BBS7: variants seen among roughly 807,000 people sequenced by gnomAD.
The protein encoded by BBS7 is BBSome complex member BBS7.
A neutral mutation model predicts 90.3 loss-of-function variants in BBS7; 50 were observed. That is an observed-to-expected ratio of 0.55 (90% CI 0.44 to 0.70). BBS7 has a LOEUF of 0.70. BBS7 is among the 30% of genes least tolerant of loss of function. The pLI, the probability that BBS7 is intolerant of heterozygous loss-of-function variation, is 0.00. For synonymous variants in BBS7, 235 were observed against 287.4 expected, an observed-to-expected ratio of 0.82 and a Z score of 1.85; for missense variants, 729 against 838.9, an observed-to-expected ratio of 0.87 and a Z score of 1.62.
At chr4:121,849,870 T>C (rs1726225430) in intron 8 of BBS7, among the ~76,000 whole-genome samples, 2 of 151,972 alleles carry the variant, frequency 1.3e-5, no homozygotes, top group Admixed American at 1.3e-4. Flanking sequence ...AAAAGCAAAA[T>C]ACCCCGTTAA....
chr4:121,859,080 A>C lies in BBS7; in HGVS notation c.440T>G (p.Ile147Ser). ...DQHYYLSGDK[I>S]NDVICLPVER... The stretch of plus-strand genomic sequence containing the variant: ...CACTGGAAGGCAGATCACATCATTG[A>C]TTTTATCCCCAGAAAGGTAATAATG... The change falls in exon 5 of 19, where the codon ATC (isoleucine) becomes AGC (serine). Residue 147 changes from isoleucine to serine, a missense_variant. Transcript: ENST00000264499. 1 of 1,613,854 alleles carries C rather than the reference A, an allele frequency of 6.2e-7. No homozygotes were observed. The highest frequency in any genetic ancestry group is 8.5e-7 in the Non-Finnish European group (1 of 1,179,816).
intron 1 of BBS7, 85 bp from the exon 2 acceptor site, chr4:121,868,131 A>G: frequency 9.5e-7 from 1 of 1,053,346 alleles, no homozygotes; most frequent in South Asian, 1.3e-5. Flanking sequence ...CTTTTTGTTA[A>G]ACTGAAATTA....
chr4:121,855,914 A>ATATACATATATGTACATACATG (rs1726638067), intron 5 of BBS7, among the ~76,000 whole-genome samples: 1 of 130,050 alleles, frequency 7.7e-6, no homozygotes, highest in Non-Finnish European at 1.5e-5. Context: ...ATATATGTAT[A>ATATACATATATGTACATACATG]TATGTGTACA....
chr4:121,838,997 T>C (rs1376815477), intron 13 of BBS7, among the ~76,000 whole-genome samples: 1 of 152,012 alleles, frequency 6.6e-6, no homozygotes, highest in East Asian at 1.9e-4. Context: ...TAAAAAATTA[T>C]TGTTGATTTT....
chr4:121,870,327 A>T lies in BBS7; in HGVS notation c.-14T>A, dbSNP rs1380943478. On this transcript the variant is annotated 5_prime_UTR_variant, in exon 1 of 19. Coordinates refer to ENST00000264499, the MANE Select transcript of BBS7 (RefSeq NM_176824.3). ...AATCAGATCCATGATGACTACGCGG[A>T]GGGGCTAAGCAGCGCCGGACAAGAA... is the stretch of plus-strand genomic sequence containing the variant. The T allele has an allele frequency of 8.7e-6, 14 of 1,614,088 alleles. No homozygotes were observed. The East Asian group carries it at 2.2e-4, about 26-fold the overall frequency.
Position 121,848,829 on chromosome 4 carries a change from T to G in BBS7, c.934+15A>C. The stretch of plus-strand genomic sequence containing the variant: ...GTTGACTCTTTCTTCAATTACCTAT[T>G]ATCATTTACTTTACCTGAATATGTG... On this transcript the variant is annotated intron_variant, in intron 9 of 18. Transcript: ENST00000264499. 6.2e-7 allele frequency: 1 copy of G among 1,603,278 alleles called. No homozygotes were observed. Among genetic ancestry groups the G allele is most frequent in the Non-Finnish European group, 8.5e-7 (1 of 1,170,818 alleles).
Position 121,825,949 on chromosome 4 carries a change from T to G in BBS7, c.2059A>C (p.Thr687Pro). ...LFIDKFKFKG[T>P]NVKTKVPLLL... Reference sequence around the variant, plus strand: ...AGGGGTACTTTAGTTTTTACATTGGTGCCTTTAAACTTAAATTTATCTATG... The same window carrying G: ...AGGGGTACTTTAGTTTTTACATTGGGGCCTTTAAACTTAAATTTATCTATG... The change falls in exon 19 of 19, where the codon ACC (threonine) becomes CCC (proline). Residue 687 changes from threonine (T) to proline (P), a missense_variant. Physicochemically the swap from Thr to Pro is conservative, Grantham distance 38. Coordinates refer to ENST00000264499, the MANE Select transcript of BBS7 (RefSeq NM_176824.3). The G allele has an allele frequency of 6.2e-7, 1 of 1,609,244 alleles. No homozygotes were observed. Among genetic ancestry groups the G allele is most frequent in the South Asian group, 1.1e-5 (1 of 90,942 alleles).
chr4:121,860,369 T>C (rs972771704), intron 4 of BBS7, among the ~76,000 whole-genome samples: 6 of 152,118 alleles, frequency 3.9e-5, no homozygotes, highest in South Asian at 4.1e-4. Flanking sequence ...GTTTCCTTAC[T>C]GAATATCTTC....
At chr4:121,831,104 T>C (rs368226759) in intron 15 of BBS7, among the ~76,000 whole-genome samples, 3 of 151,272 alleles carry the variant, frequency 2.0e-5, no homozygotes, top group African/African-American at 7.3e-5. Context: ...ACTCGGGAGG[T>C]TGAGGCAGGA....
At chr4:121,836,080 T>C (rs988452550) in intron 13 of BBS7, among the ~76,000 whole-genome samples, 2 of 152,228 alleles carry the variant, frequency 1.3e-5, no homozygotes, top group Non-Finnish European at 2.9e-5. Flanking sequence ...TAGAGATGCA[T>C]ACCTATAATC....
Position 121,839,666 on chromosome 4 carries a change from G to A in BBS7, c.1336C>T (p.Arg446Trp), listed in dbSNP as rs768987725. ...SNDNFLLATY[R>W]CQADTTRLEL... ...AGCCTTGTAGTATCTGCCTGGCACC[G>A]ATAAGTGGCAAGAAGGAAGTTGTCG... Residue 446 changes from arginine to tryptophan, a missense_variant, in exon 13 of 19, where the codon CGG becomes TGG. Arg to Trp is a moderately radical substitution (Grantham distance 101). Transcript: ENST00000264499. 2.7e-5 allele frequency: 43 copies of A among 1,613,562 alleles called. No individual in the cohort carries two copies. The highest frequency in any genetic ancestry group is 4.5e-5 in the East Asian group (2 of 44,866).
chr4:121,846,019 A>T (rs1033829355), intron 10 of BBS7, among the ~76,000 whole-genome samples: 1 of 152,252 alleles, frequency 6.6e-6, no homozygotes, highest in Non-Finnish European at 1.5e-5. Flanking sequence ...TAATCAGAAG[A>T]GAAACTTCTT....
At chr4:121,860,487 G>A (rs1207887974) in intron 4 of BBS7, among the ~76,000 whole-genome samples, 1 of 152,034 alleles carries the variant, frequency 6.6e-6, no homozygotes, top group Non-Finnish European at 1.5e-5. Context: ...TGCCACTCTA[G>A]TAAAAACATT....
chr4:121,860,651 CAA>C, intron 4 of BBS7, among the ~76,000 whole-genome samples: 1 of 152,076 alleles, frequency 6.6e-6, no homozygotes, highest in East Asian at 1.9e-4. Context: ...AAGTGTATTT[CAA>C]AAGTGTTACT....
chr4:121,833,200 C>T, intron 15 of BBS7, 31 bp downstream of exon 15: 8 of 1,607,088 alleles, frequency 5.0e-6, no homozygotes, highest in Non-Finnish European at 6.8e-6. Flanking sequence ...TATAAAACAA[C>T]ACTTGTGAAC....
chr4:121,859,069 T>C lies in BBS7; in HGVS notation c.451A>G (p.Ile151Val). The C allele has an allele frequency of 6.2e-7, 1 of 1,613,922 alleles. No homozygotes were observed. The highest frequency in any genetic ancestry group is 8.5e-7 in the Non-Finnish European group (1 of 1,179,884). ...GATAATCTTTCCACTGGAAGGCAGA[T>C]CACATCATTGATTTTATCCCCAGAA... ...YLSGDKINDV[I>V]CLPVERLSRI... Residue 151 changes from isoleucine to valine, a missense_variant, in exon 5 of 19, where the codon ATC becomes GTC. Ile to Val is a conservative substitution (Grantham distance 29). Coordinates refer to ENST00000264499, the MANE Select transcript of BBS7 (RefSeq NM_176824.3).
chr4:121,851,390 A>G (rs1354924216), intron 8 of BBS7, among the ~76,000 whole-genome samples: 1 of 150,444 alleles, frequency 6.6e-6, no homozygotes, highest in African/African-American at 2.4e-5. Flanking sequence ...AAAAAAAAAA[A>G]AAAGAAAGGA....
chr4:121,842,158 C>G (rs1725770160), intron 12 of BBS7, among the ~76,000 whole-genome samples: 1 of 142,076 alleles, frequency 7.0e-6, no homozygotes, highest in Non-Finnish European at 1.5e-5. Context: ...AGTCTTGAGA[C>G]AGGAGAATTG....
At chr4:121,849,251 A>G (rs1726179637) in intron 8 of BBS7, among the ~76,000 whole-genome samples, 1 of 152,184 alleles carries the variant, frequency 6.6e-6, no homozygotes, top group African/African-American at 2.4e-5. Context: ...CCCAGGCTGG[A>G]GAGCAGTGGT....
Sources: allele counts gnomAD v4.1 joint callset (sites outside exome capture counted in the v4.1 genomes callset), GRCh38; gene constraint gnomAD v4.1.1; transcripts MANE v1.5; gene names NCBI Gene and HGNC (gene_info 2026-07-23, HGNC 2026-07-21).